DPP10: variants seen among roughly 807,000 people sequenced by gnomAD.
DPP10 encodes dipeptidyl peptidase like 10.
A neutral mutation model predicts 120.9 loss-of-function variants in DPP10; 33 were observed. That is an observed-to-expected ratio of 0.27 (90% confidence interval 0.21 to 0.37). DPP10 has a LOEUF of 0.37. DPP10 is among the 10% of genes least tolerant of loss of function. The pLI, the probability that DPP10 is intolerant of heterozygous loss-of-function variation, is 1.00. For synonymous variants in DPP10, 337 were observed against 326.1 expected (o/e 1.03, Z -0.36); for missense variants, 816 against 942.8 (o/e 0.87, Z 1.76).
At chr2:115,710,592 C>A (rs560857950) in intron 7 of DPP10, among the ~76,000 whole-genome samples, 2 of 152,082 alleles carry the variant, frequency 1.3e-5, no homozygotes, top group African/African-American at 4.8e-5. Flanking sequence ...AAACAATGTT[C>A]ATTTTTTTTC....
intron 1 of DPP10, among the ~76,000 whole-genome samples, chr2:114,445,638 A>G (rs550056902): frequency 6.6e-6 from 1 of 151,480 alleles, no homozygotes; most frequent in African/African-American, 2.4e-5. Context: ...AAATTCAGCA[A>G]TTGTTGCCAG....
In DPP10 at chr2:114,906,369, G is replaced by A. The variant is rs565821246; in HGVS notation, c.61-402870G>A. Among the ~76,000 whole-genome samples the A allele has an allele frequency of 5.1e-4, 76 of 149,854 alleles. No homozygotes were observed. In the South Asian group the frequency reaches 0.011, roughly 22 times the overall value. On this transcript the variant is annotated intron_variant, in intron 1 of 25. Transcript: ENST00000410059. ...ACTTCACTCCAGCCTGGGCGACAGA[G>A]TGAGTTCTATCTCAAAAAAAAAAAA...
chr2:114,855,464 G>T (rs1338598157), intron 1 of DPP10, among the ~76,000 whole-genome samples: 1 of 152,048 alleles, frequency 6.6e-6, no homozygotes, highest in African/African-American at 2.4e-5. Flanking sequence ...AACCCCTGTG[G>T]CAGTTCGAAT....
At chr2:115,062,852 T>C (rs992029317) in intron 1 of DPP10, among the ~76,000 whole-genome samples, 1 of 152,212 alleles carries the variant, frequency 6.6e-6, no homozygotes, top group African/African-American at 2.4e-5. Context: ...AATGAATATA[T>C]GCATGCATGT....
intron 1 of DPP10, among the ~76,000 whole-genome samples, chr2:115,091,707 T>C (rs1709278978): frequency 6.6e-6 from 1 of 152,208 alleles, no homozygotes; most frequent in East Asian, 1.9e-4. Context: ...AAAAAGTCCC[T>C]TGTTAGTTAT....
chr2:115,315,640 A>G (rs866679379), intron 2 of DPP10, among the ~76,000 whole-genome samples: 10 of 152,168 alleles, frequency 6.6e-5, no homozygotes, highest in African/African-American at 2.4e-4. Flanking sequence ...ACTTGTAAAC[A>G]TCGGCATCAA....
intron 1 of DPP10, among the ~76,000 whole-genome samples, chr2:114,696,403 T>C (rs1987958): frequency 0.49 from 74,674 of 151,848 alleles, 18,660 homozygotes; most frequent in South Asian, 0.61. Context: ...TACAATGTTC[T>C]GTGGGATAGT....
chr2:115,333,939 G>C (rs530751780), intron 2 of DPP10, among the ~76,000 whole-genome samples: 13 of 151,356 alleles, frequency 8.6e-5, no homozygotes, highest in African/African-American at 3.1e-4. Context: ...GAGAAGTTTA[G>C]GGAAAAAAAG....
intron 1 of DPP10, among the ~76,000 whole-genome samples, chr2:115,113,162 T>C (rs141328368): frequency 0.014 from 1,390 of 99,596 alleles, 28 homozygotes; most frequent in African/African-American, 0.051. Context: ...TATATCAACA[T>C]ATATAAAATA....
chr2:114,536,817 C>T (rs1469128695), intron 1 of DPP10, among the ~76,000 whole-genome samples: 1 of 152,094 alleles, frequency 6.6e-6, no homozygotes, highest in Non-Finnish European at 1.5e-5. Flanking sequence ...TCATCTTTCT[C>T]AAAATCCTTC....
intron 2 of DPP10, among the ~76,000 whole-genome samples, chr2:115,310,987 G>T (rs915030881): frequency 6.6e-6 from 1 of 152,150 alleles, no homozygotes; most frequent in Non-Finnish European, 1.5e-5. Flanking sequence ...GTCCTTGAGA[G>T]TTTGATACAA....
At chr2:114,603,030 G>A (rs777091223) in intron 1 of DPP10, among the ~76,000 whole-genome samples, 3 of 152,024 alleles carry the variant, frequency 2.0e-5, no homozygotes, top group Non-Finnish European at 4.4e-5. Flanking sequence ...AAGACTACAT[G>A]CTAGACAGTC....
chr2:114,817,098 T>G (rs1685699626), intron 1 of DPP10, among the ~76,000 whole-genome samples: 2 of 152,192 alleles, frequency 1.3e-5, no homozygotes, highest in South Asian at 4.1e-4. Flanking sequence ...TAAAGGCAGC[T>G]TTTAATAAGA....
At chr2:114,597,356 T>A (rs1398457345) in intron 1 of DPP10, among the ~76,000 whole-genome samples, 1 of 151,918 alleles carries the variant, frequency 6.6e-6, no homozygotes, top group African/African-American at 2.4e-5. Context: ...TCCATGTAAG[T>A]TACAAAGACC....
At chr2:115,703,162 A>G (rs1047557230) in intron 7 of DPP10, among the ~76,000 whole-genome samples, 1 of 151,962 alleles carries the variant, frequency 6.6e-6, no homozygotes, top group East Asian at 1.9e-4. Flanking sequence ...CAAGAAGCTC[A>G]AGTCCAGATT....
intron 1 of DPP10, among the ~76,000 whole-genome samples, chr2:115,262,311 A>C (rs887915373): frequency 6.6e-6 from 1 of 152,002 alleles, no homozygotes; most frequent in Non-Finnish European, 1.5e-5. Context: ...AAAGACTTCT[A>C]TCTCTATATT....
At chr2:114,828,748 G>T (rs1208689886) in intron 1 of DPP10, 1 of 152,258 alleles carries the variant, frequency 6.6e-6, no homozygotes, top group Non-Finnish European at 1.5e-5. Context: ...TTGCAGAGAA[G>T]TTAGTCATTG....
At chr2:114,663,925 ATAT>A (rs60224985) in intron 1 of DPP10, among the ~76,000 whole-genome samples, 31,127 of 151,604 alleles carry the variant, frequency 0.21, 6,424 homozygotes, top group African/African-American at 0.54. Context: ...TAAATCATAG[ATAT>A]TATTATTAAT....
intron 1 of DPP10, among the ~76,000 whole-genome samples, chr2:114,568,422 T>C (rs1220870016): frequency 6.6e-6 from 1 of 152,160 alleles, no homozygotes; most frequent in East Asian, 1.9e-4. Flanking sequence ...CTATAGGCTT[T>C]TTGTGATGCT....
Sources: gnomAD v4.1 joint callset for allele counts (sites outside exome capture counted in the v4.1 genomes callset) on GRCh38, gnomAD v4.1.1 for gene constraint, MANE v1.5 for transcripts, NCBI Gene and HGNC (gene_info 2026-07-23, HGNC 2026-07-21) for gene names.